CELF4: variants seen among roughly 807,000 people sequenced by gnomAD.
CELF4 encodes CUG-BP- and ETR-3-like factor 4.
A neutral mutation model predicts 59.9 loss-of-function variants in CELF4; 18 were observed. That is an observed-to-expected ratio of 0.30 (90% confidence interval 0.21 to 0.45). CELF4 has a LOEUF of 0.45. Among genes scored for constraint, CELF4 ranks in the 20% least tolerant of loss-of-function variants. The pLI is 1.00. For synonymous variants in CELF4, 261 were observed against 267.1 expected (o/e 0.98, Z 0.22); for missense variants, 456 against 689.0 (o/e 0.66, Z 3.79).
rs370085266 is a variant in CELF4, at chr18:37,470,560, C to T, written c.369+14965G>A. Among the ~76,000 whole-genome samples, 11 of 152,272 alleles carry T rather than the reference C, an allele frequency of 7.2e-5. No homozygotes were observed. The East Asian group carries it at 1.7e-3, about 24-fold the overall frequency. ...AGACCCAAATGTGGCATCCCAGCAG[C>T]GCTGTGTCCAACTGTCTAGGCAAGT... On this transcript the variant is annotated intron_variant, in intron 2 of 12. Coordinates refer to ENST00000420428, the MANE Select transcript of CELF4 (RefSeq NM_020180.4).
chr18:37,399,269 C>T (rs1180515702), intron 2 of CELF4, among the ~76,000 whole-genome samples: 1 of 152,040 alleles, frequency 6.6e-6, no homozygotes. Flanking sequence ...GGATTGATGC[C>T]GTTATCATTA....
intron 1 of CELF4, among the ~76,000 whole-genome samples, chr18:37,499,956 T>A (rs1280686523): frequency 6.6e-6 from 1 of 152,092 alleles, no homozygotes; most frequent in Admixed American, 6.6e-5. Flanking sequence ...GAGTCAATCA[T>A]CCCGAGAACA....
chr18:37,264,102 A>T (rs2154321661), intron 10 of CELF4, among the ~76,000 whole-genome samples: 1 of 152,254 alleles, frequency 6.6e-6, no homozygotes, highest in South Asian at 2.1e-4. Context: ...TTGGAGTCTC[A>T]TCTCCCAGCT....
intron 4 of CELF4, 48 bp from the exon 5 acceptor site, chr18:37,274,932 G>T: frequency 6.3e-7 from 1 of 1,586,484 alleles, no homozygotes; most frequent in South Asian, 1.1e-5. Flanking sequence ...CAGGGCCAGG[G>T]AGGGGCCGGG....
At chr18:37,442,593 G>C (rs1048788847) in intron 2 of CELF4, among the ~76,000 whole-genome samples, 1 of 152,164 alleles carries the variant, frequency 6.6e-6, no homozygotes, top group Non-Finnish European at 1.5e-5. Flanking sequence ...AGCACAGCGA[G>C]CCCATGGGAA....
intron 3 of CELF4, among the ~76,000 whole-genome samples, chr18:37,310,856 G>A (rs1307097050): frequency 2.0e-5 from 3 of 152,078 alleles, no homozygotes; most frequent in Admixed American, 2.0e-4. Flanking sequence ...CTCTCCTCTC[G>A]CCCATCTCCC....
chr18:37,405,584 G>C lies in CELF4; in HGVS notation c.369+79941C>G, dbSNP rs16968892. On this transcript the variant is annotated intron_variant, in intron 2 of 12. Transcript: ENST00000420428. ...AAGGCCCATCTTTGTGTTCCAAAAT[G>C]CAGGGGAAGCCTTCTCTCTATAACC... Among the ~76,000 whole-genome samples the C allele has an allele frequency of 5.5e-3, 838 of 152,370 alleles. 4 individuals carry two copies. The highest frequency in any genetic ancestry group is 0.019 in the African/African-American group (793 of 41,582).
intron 2 of CELF4, among the ~76,000 whole-genome samples, chr18:37,429,074 G>A (rs2099632171): frequency 6.6e-6 from 1 of 152,204 alleles, no homozygotes; most frequent in Non-Finnish European, 1.5e-5. Context: ...ATCTTGGTGA[G>A]GGAGTCGTGC....
chr18:37,322,549 C>T (rs1189197809), intron 2 of CELF4, among the ~76,000 whole-genome samples: 1 of 152,168 alleles, frequency 6.6e-6, no homozygotes, highest in African/African-American at 2.4e-5. Flanking sequence ...CAATGCCTGA[C>T]TCCCCTAGCC....
intron 2 of CELF4, among the ~76,000 whole-genome samples, chr18:37,358,332 T>G (rs2098638930): frequency 6.6e-6 from 1 of 152,242 alleles, no homozygotes; most frequent in Non-Finnish European, 1.5e-5. Context: ...CTTTGCCTGC[T>G]GCCATCCGCA....
At chr18:37,299,975 C>T (rs1261810571) in intron 3 of CELF4, among the ~76,000 whole-genome samples, 1 of 152,182 alleles carries the variant, frequency 6.6e-6, no homozygotes, top group Non-Finnish European at 1.5e-5. Context: ...CTCCAGCTCT[C>T]TGGATCATTG....
At chr18:37,433,636 G>A (rs1475872147) in intron 2 of CELF4, among the ~76,000 whole-genome samples, 2 of 152,200 alleles carry the variant, frequency 1.3e-5, no homozygotes, top group Non-Finnish European at 1.5e-5. Flanking sequence ...GGAGCATCTT[G>A]TCACTGGCCA....
chr18:37,386,851 C>G (rs1189247740), intron 2 of CELF4, among the ~76,000 whole-genome samples: 1 of 152,216 alleles, frequency 6.6e-6, no homozygotes, highest in African/African-American at 2.4e-5. Flanking sequence ...AGGGTATGTA[C>G]AGAGTGGGGC....
intron 2 of CELF4, among the ~76,000 whole-genome samples, chr18:37,325,556 G>T (rs2097280799): frequency 6.6e-6 from 1 of 152,212 alleles, no homozygotes; most frequent in Admixed American, 6.5e-5. Context: ...CATCCCTGCT[G>T]CAGGAGCCCT....
chr18:37,372,490 G>T (rs2098910026), intron 2 of CELF4, among the ~76,000 whole-genome samples: 1 of 152,176 alleles, frequency 6.6e-6, no homozygotes, highest in South Asian at 2.1e-4. Context: ...GTGGGATGGG[G>T]TGGAGGCGGG....
At chr18:37,323,738 T>C (rs145728150) in intron 2 of CELF4, among the ~76,000 whole-genome samples, 2 of 152,342 alleles carry the variant, frequency 1.3e-5, no homozygotes, top group East Asian at 3.9e-4. Flanking sequence ...CTTGGACAGA[T>C]TTCTACAGCT....
intron 2 of CELF4, among the ~76,000 whole-genome samples, chr18:37,371,417 G>A (rs372871600): frequency 4.6e-5 from 7 of 152,302 alleles, no homozygotes; most frequent in African/African-American, 7.2e-5. Context: ...GGCCTCAGGG[G>A]ATGTGCAAGG....
intron 8 of CELF4, among the ~76,000 whole-genome samples, chr18:37,268,893 A>C (rs763050714): frequency 3.2e-4 from 49 of 151,962 alleles, no homozygotes; most frequent in Non-Finnish European, 5.6e-4. Flanking sequence ...CCTTCCCTCC[A>C]TCCCTCCCTC....
intron 2 of CELF4, among the ~76,000 whole-genome samples, chr18:37,391,297 CCCGGCAAA>C (rs2099159166): frequency 6.6e-6 from 1 of 152,206 alleles, no homozygotes; most frequent in Admixed American, 6.5e-5. Context: ...GGACACATGC[CCCGGCAAA>C]GCTGCCCCTC....
Sources: gnomAD v4.1 joint callset for allele counts (sites outside exome capture counted in the v4.1 genomes callset) on GRCh38, gnomAD v4.1.1 for gene constraint, MANE v1.5 for transcripts, NCBI Gene and HGNC (gene_info 2026-07-23, HGNC 2026-07-21) for gene names.